The following SCAMP2 variants were observed in gnomAD, a reference collection of about 807,000 sequenced individuals.
The protein encoded by SCAMP2 is secretory carrier membrane protein 2, also known as secretory carrier-associated membrane protein 2.
Under a neutral mutation model 44.1 loss-of-function variants are expected in SCAMP2, and 25 were observed. That is an observed-to-expected ratio of 0.57 (90% CI 0.41 to 0.79). The LOEUF is 0.79. SCAMP2 is among the 30% of genes least tolerant of loss of function. SCAMP2 has a pLI of 0.00. For synonymous variants in SCAMP2, 156 were observed against 166.0 expected (o/e 0.94, Z 0.46); for missense variants, 355 against 411.0 (o/e 0.86, Z 1.18).
chr15:74,855,559 A>G (rs1468696912), intron 1 of SCAMP2, among the ~76,000 whole-genome samples: 1 of 152,028 alleles, frequency 6.6e-6, no homozygotes, highest in Non-Finnish European at 1.5e-5. Flanking sequence ...TCTACTAAAA[A>G]TATAAAATTA....
At chr15:74,853,315 G>T in intron 3 of SCAMP2, 1 of 435,046 alleles carries the variant, frequency 2.3e-6, no homozygotes, top group Non-Finnish European at 4.7e-6. Context: ...GAGGGGTGTG[G>T]GGCAGGCTCC....
In SCAMP2 at chr15:74,873,334, C is replaced by A; in HGVS notation, c.-79G>T. 2 of 1,304,358 alleles carry A rather than the reference C, an allele frequency of 1.5e-6. No homozygotes were observed. Among genetic ancestry groups the A allele is most frequent in the Admixed American group, 3.6e-5 (1 of 27,474 alleles). 80.8% of individuals were successfully genotyped at this position (1,304,358 alleles called of 1,614,324 possible). ...CAGACCCAGCGGCGCTTCGTGTAGA[C>A]CCTCCACTTCCGGGAGCGAGGCAGC... On this transcript the variant is annotated 5_prime_UTR_variant, in exon 1 of 9. Coordinates refer to ENST00000268099, the MANE Select transcript of SCAMP2 (RefSeq NM_005697.5).
chr15:74,851,775 C>T, intron 4 of SCAMP2: 1 of 460,198 alleles, frequency 2.2e-6, no homozygotes, highest in Non-Finnish European at 3.8e-6. Flanking sequence ...TGTGAGAACT[C>T]AGTTCATCAT....
chr15:74,847,857 G>A (rs2064409772), intron 7 of SCAMP2, among the ~76,000 whole-genome samples: 2 of 152,216 alleles, frequency 1.3e-5, no homozygotes, highest in South Asian at 4.1e-4. Flanking sequence ...CAGGGGAGGT[G>A]AGGGAACCGT....
At chr15:74,871,460 G>A (rs2064574705) in intron 1 of SCAMP2, among the ~76,000 whole-genome samples, 1 of 151,298 alleles carries the variant, frequency 6.6e-6, no homozygotes, top group Non-Finnish European at 1.5e-5. Context: ...CCTTAAAAAA[G>A]GAAGAAAGAG....
chr15:74,873,364 C>G lies in SCAMP2; in HGVS notation c.-109G>C. 1.3e-6 allele frequency: 1 copy of G among 799,510 alleles called. No homozygotes were observed. Among genetic ancestry groups the G allele is most frequent in the Non-Finnish European group, 1.7e-6 (1 of 604,314 alleles). The allele number at this position is 799,510 out of a possible 1,614,324, so 49.5% of individuals were successfully genotyped here. A position where few individuals can be genotyped will look rare whatever the true frequency, so the allele number is the denominator to read the frequency against. On this transcript the variant is annotated 5_prime_UTR_variant, in exon 1 of 9. Coordinates refer to ENST00000268099, the MANE Select transcript of SCAMP2 (RefSeq NM_005697.5). ...CACTTCCGGGAGCGAGGCAGCGGTT[C>G]TGGCGCAGGCGCGATGCCCTCCCCC...
In SCAMP2 at chr15:74,854,108, C is replaced by G. The variant is rs781174592; in HGVS notation, c.138G>C (p.Ala46=). The G allele has an allele frequency of 6.2e-7, 1 of 1,614,042 alleles. No individual in the cohort carries two copies. Among genetic ancestry groups the G allele is most frequent in the South Asian group, 1.1e-5 (1 of 91,082 alleles). ...EFNPFSETNA[A]TTVPVTQLPG... ...GGAGTTGGGTGACAGGAACTGTTGT[C>G]GCTGCATTTGTCTACATGGAACAAA... is the stretch of plus-strand genomic sequence containing the variant. Residue 46 remains alanine, a synonymous_variant, in exon 3 of 9, where the codon GCG becomes GCC. Transcript: ENST00000268099.
At chr15:74,850,819 A>T (rs1386326102) in intron 5 of SCAMP2, 146 bp from the exon 6 acceptor site, 1 of 773,464 alleles carries the variant, frequency 1.3e-6, no homozygotes, top group Non-Finnish European at 2.0e-6. Context: ...CTAGGCAGGG[A>T]TAGTTCCCAT....
intron 1 of SCAMP2, among the ~76,000 whole-genome samples, chr15:74,869,234 C>A (rs2064560936): frequency 6.6e-6 from 1 of 151,976 alleles, no homozygotes; most frequent in South Asian, 2.1e-4. Context: ...GAGCACCTTT[C>A]AGGACTGGCA....
intron 1 of SCAMP2, among the ~76,000 whole-genome samples, chr15:74,864,330 G>C (rs543735443): frequency 9.5e-4 from 144 of 152,238 alleles, no homozygotes; most frequent in Non-Finnish European, 1.8e-3. Context: ...CAAAGTGCTG[G>C]GATTACAGGC....
rs1414082866 is a variant in SCAMP2, at chr15:74,844,783, T to TCTCTCTCCCCC, written c.*299_*300insGGGGGAGAGAG. 1.4e-5 allele frequency: 4 copies of TCTCTCTCCCCC among 289,918 alleles called. No homozygotes were observed. Among genetic ancestry groups the TCTCTCTCCCCC allele is most frequent in the Middle Eastern group, 1.1e-3 (1 of 894 alleles). The allele number at this position is 289,918 out of a possible 1,614,324, so 18.0% of individuals were successfully genotyped here. A position where few individuals can be genotyped will look rare whatever the true frequency, so the allele number is the denominator to read the frequency against. On this transcript the variant is annotated 3_prime_UTR_variant, in exon 9 of 9. Transcript: ENST00000268099. ...CTGTGATCCCAACTGTGTGGGGGTG[T>TCTCTCTCCCCC]CTGTGTGTGCACAGGACGAAGAGAA...
chr15:74,863,855 G>GT, intron 1 of SCAMP2, among the ~76,000 whole-genome samples: 1 of 152,158 alleles, frequency 6.6e-6, no homozygotes, highest in Non-Finnish European at 1.5e-5. Context: ...GATCAGCACT[G>GT]TAACAGGGTG....
chr15:74,857,798 T>C (rs1426911754), intron 1 of SCAMP2, among the ~76,000 whole-genome samples: 1 of 152,196 alleles, frequency 6.6e-6, no homozygotes, highest in African/African-American at 2.4e-5. Flanking sequence ...ATGATTAAGT[T>C]AGAAGCTCCC....
chr15:74,867,932 G>A (rs1269540142), intron 1 of SCAMP2, among the ~76,000 whole-genome samples: 2 of 152,240 alleles, frequency 1.3e-5, no homozygotes, highest in Non-Finnish European at 2.9e-5. Flanking sequence ...AGCAGCCCTA[G>A]GCACTTGCCT....
chr15:74,872,204 G>A (rs1224275855), intron 1 of SCAMP2, among the ~76,000 whole-genome samples: 1 of 151,984 alleles, frequency 6.6e-6, no homozygotes, highest in Non-Finnish European at 1.5e-5. Flanking sequence ...CCTGAGGTCA[G>A]GAGTTTGAGA....
At chr15:74,869,697 T>A (rs1174914986) in intron 1 of SCAMP2, among the ~76,000 whole-genome samples, 1 of 152,178 alleles carries the variant, frequency 6.6e-6, no homozygotes, top group African/African-American at 2.4e-5. Flanking sequence ...CTAAGAATGT[T>A]CTCAGCTCTT....
chr15:74,850,331 T>A (rs2064426981), intron 6 of SCAMP2, among the ~76,000 whole-genome samples, 183 bp downstream of exon 6: 1 of 152,010 alleles, frequency 6.6e-6, no homozygotes, highest in Non-Finnish European at 1.5e-5. Flanking sequence ...GTACAGAAAC[T>A]GAGGAACGGG....
intron 6 of SCAMP2, among the ~76,000 whole-genome samples, chr15:74,850,312 A>G (rs938380243): frequency 2.6e-5 from 4 of 152,212 alleles, no homozygotes; most frequent in African/African-American, 9.6e-5. Flanking sequence ...GGCCCAGAGC[A>G]GACCTCAGGT....
chr15:74,873,051 CGATAG>C, intron 1 of SCAMP2, 143 bp downstream of exon 1: 1 of 657,688 alleles, frequency 1.5e-6, no homozygotes, highest in Non-Finnish European at 2.4e-6. Context: ...TCACGCGTTA[CGATAG>C]GCCAGACCTC....
Sources: gnomAD v4.1 joint callset for allele counts (sites outside exome capture counted in the v4.1 genomes callset) on GRCh38, gnomAD v4.1.1 for gene constraint, MANE v1.5 for transcripts, NCBI Gene and HGNC (gene_info 2026-07-23, HGNC 2026-07-21) for gene names.